Variants in DLG2 observed in about 807,000 individuals in gnomAD.
DLG2 encodes the protein disks large homolog 2.
In DLG2, 45 loss-of-function variants were observed where a neutral mutation model predicts 132.5. The observed-to-expected ratio is 0.34, with a 90% confidence interval of 0.27 to 0.44. DLG2 has a LOEUF of 0.44. Ranked by LOEUF, DLG2 falls within the 20% of genes least tolerant of loss-of-function variation. The pLI is 1.00. For missense variants in DLG2, 1,045 were observed against 1,196.9 expected, an observed-to-expected ratio of 0.87 and a Z score of 1.87; for synonymous variants, 424 against 419.6, an observed-to-expected ratio of 1.01 and a Z score of -0.13.
intron 17 of DLG2, among the ~76,000 whole-genome samples, chr11:83,819,889 A>T (rs1438831064): frequency 6.6e-6 from 1 of 152,132 alleles, no homozygotes; most frequent in Non-Finnish European, 1.5e-5. Flanking sequence ...TGGCTATCAG[A>T]GCTCCCAGCT....
chr11:83,489,121 C>T (rs1032153388), intron 21 of DLG2, among the ~76,000 whole-genome samples: 10 of 151,904 alleles, frequency 6.6e-5, no homozygotes, highest in South Asian at 2.1e-4. Context: ...AGATGTTTCA[C>T]GCCTTCTGAT....
chr11:84,775,020 T>G (rs1038683346), intron 6 of DLG2, among the ~76,000 whole-genome samples: 1 of 152,016 alleles, frequency 6.6e-6, no homozygotes, highest in African/African-American at 2.4e-5. Flanking sequence ...TAGAAAATAT[T>G]CACAAACTAT....
At chr11:85,159,396 C>T (rs1369661780) in intron 4 of DLG2, among the ~76,000 whole-genome samples, 1 of 152,150 alleles carries the variant, frequency 6.6e-6, no homozygotes, top group Non-Finnish European at 1.5e-5. Context: ...GGTGGGAATG[C>T]CAAATGGAAA....
chr11:85,408,485 C>T (rs1167033925), intron 3 of DLG2, among the ~76,000 whole-genome samples: 1 of 150,926 alleles, frequency 6.6e-6, no homozygotes, highest in Non-Finnish European at 1.5e-5. Context: ...CATGCTGGTG[C>T]ACTGCACCCA....
intron 7 of DLG2, among the ~76,000 whole-genome samples, chr11:84,504,287 A>G (rs1208371232): frequency 6.6e-6 from 1 of 152,180 alleles, no homozygotes; most frequent in Non-Finnish European, 1.5e-5. Context: ...TCAACAACTT[A>G]CTTAAACATT....
chr11:83,656,891 C>T (rs2072629464), intron 18 of DLG2, among the ~76,000 whole-genome samples: 1 of 152,168 alleles, frequency 6.6e-6, no homozygotes, highest in African/African-American at 2.4e-5. Context: ...ACTTGCTTCC[C>T]TCCACCCCCA....
chr11:84,711,381 ATCGATC>A (rs1208565485), intron 6 of DLG2, among the ~76,000 whole-genome samples: 1 of 45,836 alleles, frequency 2.2e-5, no homozygotes, highest in African/African-American at 4.1e-4. Context: ...AGAGAGAGAG[ATCGATC>A]GATCTAGCTA....
At chr11:84,727,108 C>T (rs951314255) in intron 6 of DLG2, among the ~76,000 whole-genome samples, 1 of 152,118 alleles carries the variant, frequency 6.6e-6, no homozygotes, top group Non-Finnish European at 1.5e-5. Context: ...TAATTAGATC[C>T]TGTTTGTCAA....
chr11:83,657,955 G>T (rs1386741502), intron 18 of DLG2, among the ~76,000 whole-genome samples: 1 of 152,142 alleles, frequency 6.6e-6, no homozygotes, highest in African/African-American at 2.4e-5. Context: ...ACATATCAAA[G>T]AAGACATGGC....
intron 7 of DLG2, among the ~76,000 whole-genome samples, chr11:84,455,943 C>T (rs1166350809): frequency 6.6e-6 from 1 of 151,198 alleles, no homozygotes; most frequent in Non-Finnish European, 1.5e-5. Flanking sequence ...GAGATCTTTC[C>T]AGCACATCCA....
At chr11:85,211,779 C>G (rs774861231) in intron 4 of DLG2, among the ~76,000 whole-genome samples, 10 of 152,094 alleles carry the variant, frequency 6.6e-5, no homozygotes, top group Non-Finnish European at 1.0e-4. Context: ...TATGTTGAAG[C>G]ACTCTGTGCT....
chr11:85,048,289 T>A (rs1455697594), intron 6 of DLG2, among the ~76,000 whole-genome samples: 1 of 151,936 alleles, frequency 6.6e-6, no homozygotes, highest in Non-Finnish European at 1.5e-5. Context: ...TGTTATAACA[T>A]GTCAAACCAC....
chr11:84,052,895 T>G (rs893821779), intron 11 of DLG2, among the ~76,000 whole-genome samples: 1 of 152,020 alleles, frequency 6.6e-6, no homozygotes, highest in Non-Finnish European at 1.5e-5. Context: ...ACCATTTGAC[T>G]CAGCAATCCC....
At chr11:83,912,144 A>T (rs2076180156) in intron 15 of DLG2, among the ~76,000 whole-genome samples, 2 of 130,044 alleles carry the variant, frequency 1.5e-5, no homozygotes, top group Admixed American at 1.6e-4. Flanking sequence ...AGAAAAAAAT[A>T]AAAATGTCAT....
At chr11:85,553,634 A>G (rs2076786158) in intron 3 of DLG2, among the ~76,000 whole-genome samples, 1 of 151,658 alleles carries the variant, frequency 6.6e-6, no homozygotes, top group Admixed American at 6.6e-5. Flanking sequence ...AAAGGAGTGG[A>G]ATATAAAATG....
At chr11:84,369,398 A>G (rs1162689581) in intron 7 of DLG2, among the ~76,000 whole-genome samples, 1 of 152,182 alleles carries the variant, frequency 6.6e-6, no homozygotes, top group Non-Finnish European at 1.5e-5. Context: ...AATATTTCTC[A>G]TGCATTAAAA....
At chr11:83,779,015 A>T (rs1181031619) in intron 18 of DLG2, among the ~76,000 whole-genome samples, 2 of 152,142 alleles carry the variant, frequency 1.3e-5, no homozygotes, top group Non-Finnish European at 2.9e-5. Context: ...TGGAGAAAGA[A>T]ATGTCTAAGC....
chr11:85,541,482 T>C (rs1036586445), intron 3 of DLG2, among the ~76,000 whole-genome samples: 2 of 150,804 alleles, frequency 1.3e-5, no homozygotes, highest in African/African-American at 4.8e-5. Context: ...TTTATGAATG[T>C]TTTATCTTTA....
At chr11:84,233,219 C>T (rs923307667) in intron 8 of DLG2, among the ~76,000 whole-genome samples, 4 of 152,122 alleles carry the variant, frequency 2.6e-5, no homozygotes, top group Non-Finnish European at 4.4e-5. Flanking sequence ...AGGTGATGGT[C>T]AGGTAGTTAA....
Sources: allele counts gnomAD v4.1 joint callset (sites outside exome capture counted in the v4.1 genomes callset), GRCh38; gene constraint gnomAD v4.1.1; transcripts MANE v1.5; gene names NCBI Gene and HGNC (gene_info 2026-07-23, HGNC 2026-07-21).